Variants in KLK15 observed in about 807,000 individuals in gnomAD.
The protein encoded by KLK15 is kallikrein-15.
A neutral mutation model predicts 21.1 loss-of-function variants in KLK15; 19 were observed. The observed-to-expected ratio is 0.90, with a 90% confidence interval of 0.63 to 1.32. The LOEUF (loss-of-function observed/expected upper bound fraction) is 1.32, where lower values mean the gene tolerates loss of function less well. KLK15 is among the 40% of genes most tolerant of loss of function. KLK15 has a pLI of 0.00. For synonymous variants in KLK15, 141 were observed against 141.5 expected, an observed-to-expected ratio of 1.00 and a Z score of 0.03; for missense variants, 345 against 348.6, an observed-to-expected ratio of 0.99 and a Z score of 0.08.
rs896818876 is a variant in KLK15 at position 50,830,143 on chromosome 19, C to T, written c.43+1307G>A. Among the ~76,000 whole-genome samples the T allele has an allele frequency of 8.3e-5, 12 of 145,258 alleles. 1 individual carries two copies. Among genetic ancestry groups the T allele is most frequent in the Admixed American group, 2.9e-4 (4 of 13,738 alleles). On this transcript the variant is annotated intron_variant, in intron 1 of 4. Transcript: ENST00000598239. ...GTGAACATACAGGGCCTTGTATACC[C>T]ACTGCACACGTGCATGTACACACAC...
At chr19:50,826,976 G>T (rs766608735) in exon 3 of KLK15, 3 of 1,606,674 alleles carry the variant, frequency 1.9e-6, no homozygotes, top group Non-Finnish European at 1.7e-6. Context: ...GCAACGCGTG[G>T]GTAGCACCGC....
At position 50,827,755 on chromosome 19, in the gene KLK15, C is replaced by T; in HGVS notation, c.104G>A (p.Trp35Ter). 1 of 1,611,020 alleles carries T rather than the reference C, an allele frequency of 6.2e-7. No individual in the cohort carries two copies. Among genetic ancestry groups the T allele is most frequent in the Non-Finnish European group, 8.5e-7 (1 of 1,177,416 alleles). ...TCCACGCTCGTAGAGAGCCACTTGCCATGGCTGGGAGTGGGGTGCACACTC... is the reference window on the plus strand; with the variant it reads ...TCCACGCTCGTAGAGAGCCACTTGCTATGGCTGGGAGTGGGGTGCACACTC... Residue 35 changes from tryptophan to a stop codon, truncating the protein, a stop_gained, in exon 2 of 5, where the codon TGG becomes TAG. Transcript: ENST00000598239. LOFTEE classifies it high-confidence loss of function.
chr19:50,827,113 G>C, exon 3 of KLK15: 1 of 1,603,466 alleles, frequency 6.2e-7, no homozygotes, highest in Non-Finnish European at 8.5e-7. Context: ...GTTGCTCTGG[G>C]CCATCGCGCT....
At position 50,827,178 on chromosome 19, in the gene KLK15, T is replaced by G. The variant is rs2089899831; in HGVS notation, c.198-17A>C. 1 of 1,558,348 alleles carries G rather than the reference T, an allele frequency of 6.4e-7. No individual in the cohort carries two copies. Among genetic ancestry groups the G allele is most frequent in the Non-Finnish European group, 8.6e-7 (1 of 1,156,342 alleles). ...CTCATGAAGCTGTGCGGGCGAGTGG[T>G]TTTCCCGCCAGTGGAGTGCGGGCCA... On this transcript the variant is annotated splice_polypyrimidine_tract_variant and intron_variant, in intron 2 of 4. Transcript: ENST00000598239.
chr19:50,827,774 C>A (rs1203441608), exon 2 of KLK15: 2 of 1,611,198 alleles, frequency 1.2e-6, no homozygotes, highest in Admixed American at 1.7e-5. Flanking sequence ...GAGTGGGGTG[C>A]ACACTCGTCA....
At chr19:50,827,195 T>G (rs2089900279) in intron 2 of KLK15, 34 bp from the exon 4 acceptor site, 1 of 1,548,594 alleles carries the variant, frequency 6.5e-7, no homozygotes, top group South Asian at 1.2e-5. Flanking sequence ...GCCAGTGGAG[T>G]GCGGGCCAGT....
exon 3 of KLK15, chr19:50,827,071 C>T (rs369450682): frequency 1.4e-5 from 23 of 1,606,414 alleles, no homozygotes; most frequent in Non-Finnish European, 1.9e-5. Flanking sequence ...CTTCGTAGCG[C>T]GGGTGTGGAA....
chr19:50,826,512 A>G, intron 4 of KLK15, 109 bp downstream of exon 5: 2 of 1,337,520 alleles, frequency 1.5e-6, no homozygotes, highest in Non-Finnish European at 2.0e-6. Flanking sequence ...CTCCAAGCCT[A>G]ACCCTAGCAT....
Position 50,825,962 on chromosome 19 carries a change from A to C in KLK15, c.619-14T>G. 1.2e-6 allele frequency: 2 copies of C among 1,607,316 alleles called. No individual in the cohort carries two copies. Among genetic ancestry groups the C allele is most frequent in the Non-Finnish European group, 1.7e-6 (2 of 1,175,818 alleles). On this transcript the variant is annotated splice_polypyrimidine_tract_variant and intron_variant, in intron 4 of 4. Coordinates refer to ENST00000598239, the Ensembl canonical transcript of KLK15. ...CCCAGAGTCACCCTGTGGGGAAAAG[A>C]GGGGGTCTCAGGTTGAGTGAAACCT...
chr19:50,830,862 C>G (rs1052829349), intron 1 of KLK15, among the ~76,000 whole-genome samples: 5 of 152,166 alleles, frequency 3.3e-5, no homozygotes, highest in Non-Finnish European at 5.9e-5. Context: ...TATGTAAGCT[C>G]TAAGCACCGT....
chr19:50,827,800 T>C (rs755297234), exon 2 of KLK15: 1 of 1,611,334 alleles, frequency 6.2e-7, no homozygotes, highest in Non-Finnish European at 8.5e-7. Flanking sequence ...CAGCAACTTG[T>C]CACCATCCTG....
At position 50,827,067 on chromosome 19, in the gene KLK15, A is replaced by G. The variant is rs201048594; in HGVS notation, c.292T>C (p.Tyr98His). ...TCGTTGCGGTGGCTGCGCGCTTCGT[A>G]GCGCGGGTGTGGAATGACCCGAGAC... Residue 98 changes from tyrosine to histidine, a missense_variant, in exon 3 of 5, where the codon TAC becomes CAC. Physicochemically the swap from Tyr to His is moderately conservative, Grantham distance 83. Transcript: ENST00000598239. The G allele has an allele frequency of 6.2e-6, 10 of 1,606,390 alleles. No individual in the cohort carries two copies. The African/African-American group carries it at 8.0e-5, about 13-fold the overall frequency.
rs1344113840 is a variant in KLK15 at position 50,828,315 on chromosome 19, A to G, written c.44-500T>C. Among the ~76,000 whole-genome samples the G allele has an allele frequency of 1.3e-5, 2 of 151,558 alleles. 1 individual carries two copies. Among genetic ancestry groups the G allele is most frequent in the Non-Finnish European group, 3.0e-5 (2 of 67,762 alleles). ...TCTAGCCCCCACCCCATTTGCTATA[A>G]GACTCTGGGAGAGAGAGGAAGGGGA... On this transcript the variant is annotated intron_variant, in intron 1 of 4. Transcript: ENST00000598239.
chr19:50,827,111 G>A (rs891356710), exon 3 of KLK15: 2 of 1,603,624 alleles, frequency 1.2e-6, no homozygotes, highest in Non-Finnish European at 1.7e-6. Flanking sequence ...TAGTTGCTCT[G>A]GGCCATCGCG....
At chr19:50,830,311 A>G (rs1414446889) in intron 1 of KLK15, among the ~76,000 whole-genome samples, 1 of 151,808 alleles carries the variant, frequency 6.6e-6, no homozygotes. Context: ...CCACCCACAC[A>G]GGGGCAGGAT....
chr19:50,829,547 T>C (rs2089945656), intron 1 of KLK15, among the ~76,000 whole-genome samples: 1 of 151,622 alleles, frequency 6.6e-6, no homozygotes, highest in East Asian at 1.9e-4. Context: ...TCCCAGCACT[T>C]TGGGAGGCCA....
rs374255411 is a variant in KLK15 at position 50,831,517 on chromosome 19, C to T, written c.-25G>A. ...TTGTGGAGGAGGGACCAGGGTTCGGCTGCAGTCTGGGGAGGGAGTGAGAGA... is the reference window on the plus strand; with the variant it reads ...TTGTGGAGGAGGGACCAGGGTTCGGTTGCAGTCTGGGGAGGGAGTGAGAGA... On this transcript the variant is annotated 5_prime_UTR_variant, in exon 1 of 5. Coordinates refer to ENST00000598239, the Ensembl canonical transcript of KLK15. The T allele has an allele frequency of 1.6e-4, 231 of 1,458,164 alleles. 1 individual carries two copies. The African/African-American group carries it at 2.9e-3, about 19-fold the overall frequency. The allele number at this position is 1,458,164 out of a possible 1,614,324, so 90.3% of individuals were successfully genotyped here. A position where few individuals can be genotyped will look rare whatever the true frequency, so the allele number is the denominator to read the frequency against.
chr19:50,827,250 C>G (rs2089901929), intron 2 of KLK15, 89 bp from the exon 4 acceptor site: 1 of 1,217,122 alleles, frequency 8.2e-7, no homozygotes, highest in Middle Eastern at 2.9e-4. Context: ...AGTGGGCAAC[C>G]CGAGGTCTCC....
At chr19:50,832,322 CTTTTT>C (rs773163899), upstream of KLK15, among the ~76,000 whole-genome samples, 1 of 109,440 alleles carries the variant, frequency 9.1e-6, no homozygotes, top group African/African-American at 3.4e-5. Flanking sequence ...CTTTTTTTTT[CTTTTT>C]TTTTTTTTTT....
Sources: allele counts gnomAD v4.1 joint callset (sites outside exome capture counted in the v4.1 genomes callset), GRCh38; gene constraint gnomAD v4.1.1; transcripts MANE v1.5; gene names NCBI Gene and HGNC (gene_info 2026-07-23, HGNC 2026-07-21).